The following CDH2 variants were observed in gnomAD, a reference collection of about 807,000 sequenced individuals.
The protein encoded by CDH2 is cadherin-2.
CDH2 carries 17 observed loss-of-function variants against 92.0 expected under a neutral mutation model. The ratio of observed to expected loss-of-function variants is 0.18; its 90% confidence interval spans 0.13 to 0.28. The LOEUF is 0.28. CDH2 is among the 10% of genes least tolerant of loss of function. CDH2 has a pLI of 1.00. For synonymous variants in CDH2, 419 were observed against 415.9 expected (o/e 1.01, Z -0.09); for missense variants, 862 against 1,133.1 (o/e 0.76, Z 3.44).
intron 2 of CDH2, among the ~76,000 whole-genome samples, chr18:28,028,629 T>G (rs1167169622): frequency 2.0e-5 from 3 of 152,098 alleles, no homozygotes; most frequent in African/African-American, 4.8e-5. Flanking sequence ...ACATAACTGA[T>G]AGTTTAAAAT....
At chr18:28,090,735 C>A (rs2015022075) in intron 2 of CDH2, among the ~76,000 whole-genome samples, 1 of 152,122 alleles carries the variant, frequency 6.6e-6, no homozygotes, top group Non-Finnish European at 1.5e-5. Flanking sequence ...AACTTCAGGG[C>A]AAAAGACAAA....
chr18:27,947,852 A>C (rs1208657773), downstream of CDH2, among the ~76,000 whole-genome samples: 2 of 151,932 alleles, frequency 1.3e-5, no homozygotes, highest in Non-Finnish European at 2.9e-5. Flanking sequence ...TATACGGTAA[A>C]GAATGCATTC....
chr18:27,954,299 C>T (rs546729832), intron 15 of CDH2, among the ~76,000 whole-genome samples: 1 of 152,198 alleles, frequency 6.6e-6, no homozygotes, highest in Non-Finnish European at 1.5e-5. Flanking sequence ...TTACTGCCCT[C>T]AGTGATTCAC....
chr18:28,098,493 C>T (rs1374093059), intron 2 of CDH2, among the ~76,000 whole-genome samples: 1 of 151,846 alleles, frequency 6.6e-6, no homozygotes, highest in Non-Finnish European at 1.5e-5. Context: ...TTAAAGACAC[C>T]TTATTTAACA....
chr18:28,040,742 G>T (rs1177384480), intron 2 of CDH2, among the ~76,000 whole-genome samples: 1 of 152,136 alleles, frequency 6.6e-6, no homozygotes, highest in Non-Finnish European at 1.5e-5. Flanking sequence ...ATTATACACA[G>T]AATACCAAAT....
chr18:28,013,974 A>C, intron 2 of CDH2, 65 bp from the exon 3 acceptor site: 1 of 1,117,242 alleles, frequency 9.0e-7, no homozygotes, highest in Non-Finnish European at 1.3e-6. Flanking sequence ...AAAACCCCTA[A>C]TACTTAAACC....
Position 28,147,706 on chromosome 18 carries a change from T to C in CDH2, c.139A>G (p.Lys47Glu). 6.2e-7 allele frequency: 1 copy of C among 1,611,910 alleles called. No homozygotes were observed. ...AGAGGCTGTCCTTCATGCACATCCT[T>C]CGATAAGACTGCACTGTAAACATCT... Reference protein sequence around the residue: ...PEDVYSAVLSKDVHEGQPLLN... With the variant: ...PEDVYSAVLSEDVHEGQPLLN... Residue 47 changes from lysine (K) to glutamate (E), a missense_variant, in exon 2 of 16, where the codon AAG becomes GAG. This residue lies in a region of CDH2 where 159 missense variants were observed against 177.2 expected (regional missense o/e 0.90). Coordinates refer to ENST00000269141, the MANE Select transcript of CDH2 (RefSeq NM_001792.5).
chr18:28,156,441 T>TGTCACCTTCCCAGGTAC (rs1413522662), intron 1 of CDH2, among the ~76,000 whole-genome samples: 344 of 27,360 alleles, frequency 0.013, 5 homozygotes, highest in Non-Finnish European at 0.016. Flanking sequence ...TTCCCAGGTA[T>TGTCACCTTCCCAGGTAC]AGCATGTCAC....
chr18:28,113,789 A>T (rs1467151956), intron 2 of CDH2, among the ~76,000 whole-genome samples: 2 of 152,138 alleles, frequency 1.3e-5, no homozygotes, highest in South Asian at 4.1e-4. Context: ...TTTAAAGATG[A>T]CTCTTAATGT....
chr18:27,991,235 A>C (rs995124168), intron 9 of CDH2, among the ~76,000 whole-genome samples: 2 of 152,206 alleles, frequency 1.3e-5, no homozygotes, highest in African/African-American at 4.8e-5. Flanking sequence ...AACAGGAAAA[A>C]CAAGAGCATT....
At chr18:28,101,521 C>G (rs551898412) in intron 2 of CDH2, among the ~76,000 whole-genome samples, 1 of 152,164 alleles carries the variant, frequency 6.6e-6, no homozygotes, top group Non-Finnish European at 1.5e-5. Context: ...GGGGACTTGA[C>G]TGTAACTACA....
intron 2 of CDH2, among the ~76,000 whole-genome samples, chr18:28,053,695 C>A (rs1239298174): frequency 1.3e-5 from 2 of 152,062 alleles, no homozygotes; most frequent in African/African-American, 4.8e-5. Flanking sequence ...TGAGGGCTGC[C>A]CGTTTCAAGA....
Position 28,013,918 on chromosome 18 carries a change from G to C in CDH2, c.173-9C>G. The C allele has an allele frequency of 3.1e-6, 5 of 1,595,888 alleles. No homozygotes were observed. Among genetic ancestry groups the C allele is most frequent in the Non-Finnish European group, 4.3e-6 (5 of 1,168,094 alleles). On this transcript the variant is annotated splice_polypyrimidine_tract_variant and intron_variant, in intron 2 of 15. Transcript: ENST00000269141. ...GCAGTTGCTAAACTTCACTGTAAAA[G>C]ATAAGAAATAGGTCAGTTATTATAA...
chr18:28,003,241 A>G (rs2012823139), intron 6 of CDH2, 72 bp from the exon 7 acceptor site: 2 of 1,149,998 alleles, frequency 1.7e-6, no homozygotes, highest in Admixed American at 4.2e-5. Flanking sequence ...AGGTATATTT[A>G]TTGTTTTGAT....
intron 12 of CDH2, 90 bp from the exon 13 acceptor site, chr18:27,985,323 A>G (rs1360091304): frequency 2.4e-6 from 2 of 828,470 alleles, no homozygotes; most frequent in Non-Finnish European, 1.9e-6. Flanking sequence ...TTTACTACCT[A>G]ATAGTACACA....
intron 2 of CDH2, among the ~76,000 whole-genome samples, chr18:28,014,610 T>G (rs1221289627): frequency 6.6e-6 from 1 of 151,932 alleles, no homozygotes; most frequent in Non-Finnish European, 1.5e-5. Context: ...TTAAAAAATT[T>G]TAAACAAATA....
intron 2 of CDH2, among the ~76,000 whole-genome samples, chr18:28,021,138 C>T (rs1215128447): frequency 6.6e-6 from 1 of 151,748 alleles, no homozygotes. Context: ...ATAATATAAT[C>T]GAATCAATAC....
chr18:28,115,687 A>C (rs367677281), intron 2 of CDH2, among the ~76,000 whole-genome samples: 1 of 152,304 alleles, frequency 6.6e-6, no homozygotes, highest in East Asian at 1.9e-4. Context: ...GATTATTCCA[A>C]AGTCAGGAAA....
chr18:28,091,144 A>G (rs1379397271), intron 2 of CDH2, among the ~76,000 whole-genome samples: 1 of 152,244 alleles, frequency 6.6e-6, no homozygotes, highest in East Asian at 1.9e-4. Context: ...ACTTAAGAGC[A>G]CTGGTTTCTG....
Sources: allele counts gnomAD v4.1 joint callset (sites outside exome capture counted in the v4.1 genomes callset), GRCh38; gene constraint gnomAD v4.1.1; regional missense constraint gnomAD v4.1.1; transcripts MANE v1.5; gene names NCBI Gene and HGNC (gene_info 2026-07-23, HGNC 2026-07-21).